NDUFAF6: variants seen among roughly 807,000 people sequenced by gnomAD.
The protein encoded by NDUFAF6 is NADH dehydrogenase (ubiquinone) complex I, assembly factor 6.
In NDUFAF6, 45 loss-of-function variants were observed where a neutral mutation model predicts 40.8. That is an observed-to-expected ratio of 1.10 (90% confidence interval 0.87 to 1.42). The LOEUF is 1.42. Ranked by LOEUF, NDUFAF6 falls within the 40% of genes most tolerant of loss-of-function variation. The pLI is 0.00. For missense variants in NDUFAF6, 435 were observed against 418.5 expected, an observed-to-expected ratio of 1.04 and a Z score of -0.34; for synonymous variants, 185 against 155.9, an observed-to-expected ratio of 1.19 and a Z score of -1.39.
At chr8:95,034,544 T>C (rs1829250844) in intron 2 of NDUFAF6, 1 of 154,480 alleles carries the variant, frequency 6.5e-6, no homozygotes, top group South Asian at 2.0e-4. Context: ...TTTTGTGACA[T>C]TGACATATTT....
chr8:94,973,576 C>T lies in NDUFAF6; in HGVS notation c.-198-7283C>T, dbSNP rs371423982. Among the ~76,000 whole-genome samples, 112 of 152,028 alleles carry T rather than the reference C, an allele frequency of 7.4e-4. 3 individuals carry two copies. In the South Asian group the frequency reaches 0.021, roughly 29 times the overall value. On this transcript the variant is annotated intron_variant, in intron 1 of 9. Transcript: ENST00000396111. The stretch of plus-strand genomic sequence containing the variant: ...ACAAAAAATTAGCCAGGTGTGGTGG[C>T]GGGCACCTTTAGTCCCAGCTACTCG...
intron 7 of NDUFAF6, among the ~76,000 whole-genome samples, chr8:95,048,766 C>T (rs1831101663): frequency 6.6e-6 from 1 of 152,190 alleles, no homozygotes; most frequent in African/African-American, 2.4e-5. Context: ...AATGCGTTCT[C>T]TACTGAGTAA....
In NDUFAF6 at chr8:94,912,738, G is replaced by A. The variant is rs569194133; in HGVS notation, c.-936+16811G>A. Among the ~76,000 whole-genome samples the A allele has an allele frequency of 2.7e-3, 410 of 151,876 alleles. 2 individuals are homozygous for A. The highest frequency in any genetic ancestry group is 4.2e-3 in the Non-Finnish European group (286 of 67,950). ...TGAGGCAGGAGAATGGCGTGAACCC[G>A]GGAGGCGGAGCTTGCAGTGAGCCGA... On this transcript the variant is annotated intron_variant, in intron 1 of 14. Coordinates refer to the NDUFAF6 transcript ENST00000396113.
chr8:95,052,085 C>T, intron 7 of NDUFAF6, 89 bp from the exon 8 acceptor site: 1 of 1,176,746 alleles, frequency 8.5e-7, no homozygotes, highest in South Asian at 1.2e-5. Context: ...GAGGCCCTAT[C>T]AGTATTGTTA....
chr8:95,044,671 G>A (rs1205822875), intron 4 of NDUFAF6: 2 of 151,596 alleles, frequency 1.3e-5, no homozygotes, highest in Non-Finnish European at 2.9e-5. Context: ...GGCTAGGCTG[G>A]TCTTGAACTC....
intron 1 of NDUFAF6, chr8:94,928,939 C>T (rs1820135805): frequency 1.3e-5 from 2 of 152,624 alleles, no homozygotes; most frequent in African/African-American, 4.8e-5. Context: ...ATGAAGGCAA[C>T]ACTTCTGTCA....
intron 1 of NDUFAF6, among the ~76,000 whole-genome samples, chr8:94,914,082 G>A (rs1018487089): frequency 6.1e-5 from 9 of 148,658 alleles, no homozygotes; most frequent in East Asian, 2.0e-4. Context: ...GAGCCACCGC[G>A]CCCGGCCTGA....
At chr8:95,007,669 T>TG (rs1193814584) in intron 2 of NDUFAF6, among the ~76,000 whole-genome samples, 1 of 150,136 alleles carries the variant, frequency 6.7e-6, no homozygotes, top group South Asian at 2.1e-4. Context: ...GTTTTTTTTT[T>TG]TTTTTTTTTT....
chr8:95,024,341 G>T (rs892187311), upstream of NDUFAF6, among the ~76,000 whole-genome samples: 4 of 152,226 alleles, frequency 2.6e-5, no homozygotes, highest in South Asian at 2.1e-4. Context: ...GGCACTGCCC[G>T]TATGGAACCC....
intron 8 of NDUFAF6, among the ~76,000 whole-genome samples, chr8:95,054,818 C>T (rs10109093): frequency 0.013 from 1,956 of 152,308 alleles, 31 homozygotes; most frequent in African/African-American, 0.044. Context: ...GTCGTACACC[C>T]TCATTCCAGC....
intron 3 of NDUFAF6, among the ~76,000 whole-genome samples, chr8:95,036,687 T>C (rs1829544318): frequency 1.3e-5 from 2 of 152,234 alleles, no homozygotes; most frequent in Admixed American, 1.3e-4. Context: ...TTGGGAAATA[T>C]GTGGAAGATT....
chr8:95,113,180 G>C (rs1810043971), intron 4 of NDUFAF6, among the ~76,000 whole-genome samples: 1 of 152,222 alleles, frequency 6.6e-6, no homozygotes, highest in Admixed American at 6.5e-5. Flanking sequence ...CCTGACTTTA[G>C]TCTGATTTTT....
chr8:95,108,965 G>A (rs1295181574), intron 4 of NDUFAF6, among the ~76,000 whole-genome samples: 1 of 152,078 alleles, frequency 6.6e-6, no homozygotes, highest in African/African-American at 2.4e-5. Flanking sequence ...AGTGGATGTA[G>A]CAACATTTTA....
At chr8:95,025,635 A>G (rs1346672081) in intron 1 of NDUFAF6, among the ~76,000 whole-genome samples, 1 of 152,200 alleles carries the variant, frequency 6.6e-6, no homozygotes, top group African/African-American at 2.4e-5. Context: ...TAGACCTATC[A>G]TTTAAGGTTG....
intron 1 of NDUFAF6, among the ~76,000 whole-genome samples, chr8:94,960,225 G>A (rs896846): frequency 0.51 from 77,032 of 151,998 alleles, 19,941 homozygotes; most frequent in East Asian, 0.72. Context: ...TTGAAGACGC[G>A]CAACTCATTG....
chr8:95,051,952 G>C (rs1478604272), intron 7 of NDUFAF6, among the ~76,000 whole-genome samples: 1 of 152,182 alleles, frequency 6.6e-6, no homozygotes, highest in Non-Finnish European at 1.5e-5. Flanking sequence ...GCTGGAAAAT[G>C]CTAAAGCCAA....
At chr8:95,114,296 C>T (rs1810081407) in intron 4 of NDUFAF6, among the ~76,000 whole-genome samples, 1 of 152,146 alleles carries the variant, frequency 6.6e-6, no homozygotes, top group Non-Finnish European at 1.5e-5. Flanking sequence ...GGCATGGTCC[C>T]AGAAGTTTAA....
At chr8:94,917,941 C>A (rs1819247277) in intron 1 of NDUFAF6, among the ~76,000 whole-genome samples, 1 of 152,086 alleles carries the variant, frequency 6.6e-6, no homozygotes. Context: ...GCTCATGGTC[C>A]CTCTGGGGGC....
intron 4 of NDUFAF6, among the ~76,000 whole-genome samples, chr8:95,111,081 CAG>C (rs1294489177): frequency 6.6e-6 from 1 of 152,154 alleles, no homozygotes; most frequent in East Asian, 1.9e-4. Context: ...CACTTAATGA[CAG>C]GGGAGCCGAG....
Sources: allele counts gnomAD v4.1 joint callset (sites outside exome capture counted in the v4.1 genomes callset), GRCh38; gene constraint gnomAD v4.1.1; transcripts MANE v1.5; gene names NCBI Gene and HGNC (gene_info 2026-07-23, HGNC 2026-07-21).